DPP6: variants seen among roughly 807,000 people sequenced by gnomAD.
DPP6 encodes the protein A-type potassium channel modulatory protein DPP6.
DPP6 carries 69 observed loss-of-function variants against 122.6 expected under a neutral mutation model. That is an observed-to-expected ratio of 0.56 (90% confidence interval 0.46 to 0.69). The LOEUF (loss-of-function observed/expected upper bound fraction) is 0.69. DPP6 is among the 30% of genes least tolerant of loss of function. The probability of loss-of-function intolerance (pLI) is 0.00; values close to 1 mark genes in which losing one functional copy is unlikely to be tolerated. For missense variants in DPP6, 928 were observed against 1,116.9 expected (o/e 0.83, Z 2.41); for synonymous variants, 418 against 433.1 (o/e 0.97, Z 0.43).
At chr7:154,250,687 T>G (rs1802298047) in intron 1 of DPP6, among the ~76,000 whole-genome samples, 1 of 152,192 alleles carries the variant, frequency 6.6e-6, no homozygotes, top group African/African-American at 2.4e-5. Flanking sequence ...CCCTGGTGGC[T>G]TATACCTGGC....
At chr7:154,588,263 C>A in intron 5 of DPP6, 2 of 1,100,882 alleles carry the variant, frequency 1.8e-6, no homozygotes, top group Non-Finnish European at 2.5e-6. Flanking sequence ...GGCCTGTTCT[C>A]AGAGATGCAG....
At chr7:154,413,113 A>G (rs1164615594) in intron 1 of DPP6, among the ~76,000 whole-genome samples, 2 of 152,300 alleles carry the variant, frequency 1.3e-5, no homozygotes, top group East Asian at 3.9e-4. Context: ...AGGCTTAGGA[A>G]AGTGAGAGAC....
intron 7 of DPP6, among the ~76,000 whole-genome samples, chr7:154,696,752 G>A (rs553494772): frequency 1.1e-4 from 16 of 152,330 alleles, no homozygotes; most frequent in Non-Finnish European, 1.6e-4. Context: ...CATACTATGC[G>A]TGATGCCGTG....
chr7:154,083,845 C>G (rs1293893727), intron 1 of DPP6, among the ~76,000 whole-genome samples: 2 of 150,876 alleles, frequency 1.3e-5, no homozygotes, highest in Admixed American at 1.3e-4. Flanking sequence ...ATGGATATTT[C>G]CATGTTCTTC....
intron 2 of DPP6, among the ~76,000 whole-genome samples, chr7:154,451,415 CGAAATGTCCACA>C (rs1563692391): frequency 2.6e-5 from 4 of 151,646 alleles, no homozygotes; most frequent in African/African-American, 9.7e-5. Flanking sequence ...CTTCTTACAC[CGAAATGTCCACA>C]GCAGCAAAGC....
rs202026074 is a variant in DPP6, at chr7:154,821,647, C to T, written c.1666+14535C>T. On this transcript the variant is annotated intron_variant, in intron 16 of 25. Transcript: ENST00000377770. The surrounding 1 kb of genome is among the most constrained non-coding windows in gnomAD (Gnocchi z 4.2). ...TTTTCTGTATATATATATATATATA[C>T]ACATATATATATATATACACATATA... is the stretch of plus-strand genomic sequence containing the variant. 0.068 allele frequency among the ~76,000 whole-genome samples: 1,644 copies of T among 24,046 alleles called. 46 individuals carry two copies. Among genetic ancestry groups the T allele is most frequent in the African/African-American group, 0.21 (1,512 of 7,336 alleles). 15.8% of individuals were successfully genotyped at this position (24,046 alleles called of 152,430 possible).
intron 9 of DPP6, 150 bp from the exon 10 acceptor site, chr7:154,772,695 T>G: frequency 9.1e-7 from 1 of 1,093,200 alleles, no homozygotes; most frequent in East Asian, 2.7e-5. Context: ...ACATGAACCA[T>G]TTGTTCTCCA....
rs1418074171 is a variant in DPP6, at chr7:154,636,848, G to C, written c.628-973G>C. Among the ~76,000 whole-genome samples the C allele has an allele frequency of 2.0e-5, 3 of 152,322 alleles. No individual in the cohort carries two copies. The East Asian group carries it at 5.8e-4, about 29-fold the overall frequency. On this transcript the variant is annotated intron_variant, in intron 5 of 25. Transcript: ENST00000377770. Reference sequence around the variant, plus strand: ...AAAGTACTCTACCTTGGATATGTCTGCCTTTGCCTCCACGTCCCTCACCTA... The same window carrying C: ...AAAGTACTCTACCTTGGATATGTCTCCCTTTGCCTCCACGTCCCTCACCTA...
chr7:154,617,734 T>C (rs1046961639), intron 5 of DPP6, among the ~76,000 whole-genome samples: 5 of 152,302 alleles, frequency 3.3e-5, no homozygotes, highest in Admixed American at 6.5e-5. Flanking sequence ...ACCTGCTCCA[T>C]ACCCTTCCCC....
At chr7:154,101,746 G>T (rs1805740842) in intron 1 of DPP6, among the ~76,000 whole-genome samples, 1 of 151,432 alleles carries the variant, frequency 6.6e-6, no homozygotes, top group Non-Finnish European at 1.5e-5. Flanking sequence ...TGGTCAACAT[G>T]GTGAAACCCC....
intron 1 of DPP6, among the ~76,000 whole-genome samples, chr7:154,105,065 T>C (rs1806053727): frequency 6.6e-6 from 1 of 152,220 alleles, no homozygotes; most frequent in Admixed American, 6.5e-5. Flanking sequence ...AGGTCAAGGC[T>C]GCACTGAGCC....
chr7:153,803,905 C>A, the DPP6 span, among the ~76,000 whole-genome samples: 2 of 149,308 alleles, frequency 1.3e-5, no homozygotes, highest in East Asian at 3.9e-4. Context: ...GGTTTTGTTT[C>A]TTTGAAGGAC....
At chr7:154,210,416 T>G (rs1347796737) in intron 1 of DPP6, among the ~76,000 whole-genome samples, 2 of 152,216 alleles carry the variant, frequency 1.3e-5, no homozygotes, top group African/African-American at 2.4e-5. Flanking sequence ...GAGTGCCAGC[T>G]TTTCTTCTTA....
chr7:154,464,546 A>G (rs1376175390), intron 2 of DPP6, among the ~76,000 whole-genome samples: 1 of 152,222 alleles, frequency 6.6e-6, no homozygotes, highest in Non-Finnish European at 1.5e-5. Context: ...CAAAATTCAC[A>G]ATTTTATACT....
At chr7:154,060,277 A>G (rs1362433320) in intron 1 of DPP6, among the ~76,000 whole-genome samples, 1 of 123,724 alleles carries the variant, frequency 8.1e-6, no homozygotes, top group Non-Finnish European at 1.7e-5. Context: ...CGAGGCAGGG[A>G]CTGAGAGGCA....
intron 3 of DPP6, among the ~76,000 whole-genome samples, chr7:154,518,269 G>A (rs2129925060): frequency 6.6e-6 from 1 of 152,156 alleles, no homozygotes; most frequent in Non-Finnish European, 1.5e-5. Context: ...AACCTTTGTC[G>A]ATGGCATGCA....
chr7:153,760,884 G>T, the DPP6 span, among the ~76,000 whole-genome samples: 3 of 152,186 alleles, frequency 2.0e-5, no homozygotes, highest in South Asian at 2.1e-4. Flanking sequence ...TTTTCAGGGG[G>T]CCCTCAGCAG....
intron 8 of DPP6, among the ~76,000 whole-genome samples, chr7:154,756,605 G>A (rs1843686163): frequency 6.6e-6 from 1 of 152,030 alleles, no homozygotes; most frequent in South Asian, 2.1e-4. Flanking sequence ...TCTAGCTCCT[G>A]AGGCCATGCT....
At chr7:154,435,894 A>G (rs1384920039) in intron 1 of DPP6, among the ~76,000 whole-genome samples, 1 of 152,208 alleles carries the variant, frequency 6.6e-6, no homozygotes, top group East Asian at 1.9e-4. Context: ...GAGATCCTGC[A>G]GTCATGTATG....
Sources: allele counts gnomAD v4.1 joint callset (sites outside exome capture counted in the v4.1 genomes callset), GRCh38; gene constraint gnomAD v4.1.1; non-coding constraint Gnocchi (gnomAD v3.1); transcripts MANE v1.5; gene names NCBI Gene and HGNC (gene_info 2026-07-23, HGNC 2026-07-21).